The following VAV2 variants were observed in gnomAD, a reference collection of about 807,000 sequenced individuals.
VAV2 encodes vav guanine nucleotide exchange factor 2.
VAV2 carries 67 observed loss-of-function variants against 132.5 expected under a neutral mutation model. That is an observed-to-expected ratio of 0.51 (90% CI 0.42 to 0.62). VAV2 has a LOEUF of 0.62. Ranked by LOEUF, VAV2 falls within the 20% of genes least tolerant of loss-of-function variation. The pLI, the probability that VAV2 is intolerant of heterozygous loss-of-function variation, is 0.00. For synonymous variants in VAV2, 492 were observed against 443.5 expected (o/e 1.11, Z -1.37); for missense variants, 938 against 1,153.6 (o/e 0.81, Z 2.71).
chr9:133,901,602 G>A (rs1327869905), intron 2 of VAV2, among the ~76,000 whole-genome samples: 1 of 152,210 alleles, frequency 6.6e-6, no homozygotes, highest in Non-Finnish European at 1.5e-5. Flanking sequence ...GCCCTGAGCC[G>A]CAGGGGCCTC....
In VAV2 at chr9:133,770,367, C is replaced by T. The variant is rs201253624; in HGVS notation, c.2347+11G>A. 1.5e-4 allele frequency: 245 copies of T among 1,613,780 alleles called. 1 individual carries two copies. In the East Asian group the frequency reaches 2.3e-3, roughly 15 times the overall value. The stretch of plus-strand genomic sequence containing the variant: ...AGGAGTGCTGGTGTGCCGGCTGGGC[C>T]GGGGCGTTACCTGGGGACCGGCTGG... On this transcript the variant is annotated intron_variant, in intron 27 of 29. Transcript: ENST00000371850.
intron 2 of VAV2, among the ~76,000 whole-genome samples, chr9:133,905,199 C>T (rs937656144): frequency 2.0e-5 from 3 of 151,842 alleles, no homozygotes; most frequent in Non-Finnish European, 4.4e-5. Flanking sequence ...AAGGCCAAGG[C>T]GGGTGGATCA....
chr9:133,806,267 T>C, intron 8 of VAV2, 86 bp from the exon 9 acceptor site: 1 of 1,339,496 alleles, frequency 7.5e-7, no homozygotes, highest in South Asian at 1.3e-5. Context: ...CTTGTTGTTC[T>C]GTAGTTCCCT....
intron 4 of VAV2, among the ~76,000 whole-genome samples, chr9:133,818,357 C>A (rs1588217848): frequency 7.1e-6 from 1 of 139,912 alleles, no homozygotes; most frequent in Admixed American, 7.2e-5. Context: ...CAAAGCAAGA[C>A]TCCATCTCAA....
At position 133,795,743 on chromosome 9, in the gene VAV2, G is replaced by C; in HGVS notation, c.1033-7C>G. The C allele has an allele frequency of 1.2e-6, 2 of 1,613,456 alleles. No homozygotes were observed. The highest frequency in any genetic ancestry group is 1.7e-6 in the Non-Finnish European group (2 of 1,179,444). On this transcript the variant is annotated splice_region_variant and splice_polypyrimidine_tract_variant and intron_variant, in intron 11 of 29. Coordinates refer to ENST00000371850, the MANE Select transcript of VAV2 (RefSeq NM_001134398.2). ...CAGAATGGCTCAGAAGCTCCTGGAAGGGTGAGAAGAGTGTCATGTGTTACC... is the reference window on the plus strand; with the variant it reads ...CAGAATGGCTCAGAAGCTCCTGGAACGGTGAGAAGAGTGTCATGTGTTACC...
intron 6 of VAV2, 43 bp from the exon 7 acceptor site, chr9:133,809,181 G>A (rs1835268648): frequency 6.6e-7 from 1 of 1,518,286 alleles, no homozygotes; most frequent in Non-Finnish European, 9.1e-7. Flanking sequence ...CATGGGCCCG[G>A]CCACCTGCCA....
At chr9:133,972,738 C>T (rs574163887) in intron 1 of VAV2, among the ~76,000 whole-genome samples, 3 of 152,284 alleles carry the variant, frequency 2.0e-5, no homozygotes, top group South Asian at 2.1e-4. Context: ...TGCAGACACC[C>T]GCCCAAGCCC....
intron 2 of VAV2, among the ~76,000 whole-genome samples, chr9:133,913,484 A>G (rs1839953301): frequency 6.6e-6 from 1 of 152,220 alleles, no homozygotes; most frequent in Admixed American, 6.5e-5. Flanking sequence ...GCCAATCAGA[A>G]TCTTCAAGGG....
chr9:133,799,362 T>A (rs1161137977), intron 9 of VAV2, among the ~76,000 whole-genome samples: 1 of 152,140 alleles, frequency 6.6e-6, no homozygotes, highest in African/African-American at 2.4e-5. Context: ...GACTGGTACT[T>A]CCTCAGGCCG....
intron 2 of VAV2, among the ~76,000 whole-genome samples, chr9:133,886,182 A>C (rs1838696472): frequency 6.6e-6 from 1 of 151,994 alleles, no homozygotes. Context: ...GTCCCAGACA[A>C]CCCCAAAGCT....
intron 2 of VAV2, among the ~76,000 whole-genome samples, chr9:133,920,789 C>A (rs1229101729): frequency 6.6e-6 from 1 of 152,066 alleles, no homozygotes; most frequent in Admixed American, 6.5e-5. Flanking sequence ...GGCTGCCTGA[C>A]GACACGGGGC....
chr9:133,778,988 C>T, intron 21 of VAV2, 99 bp from the exon 22 acceptor site: 2 of 1,503,816 alleles, frequency 1.3e-6, no homozygotes, highest in Non-Finnish European at 9.0e-7. Context: ...GCTCGGCCTC[C>T]CCCAGCACAC....
chr9:133,779,777 G>T, intron 21 of VAV2, 141 bp downstream of exon 21: 1 of 1,139,470 alleles, frequency 8.8e-7, no homozygotes, highest in Non-Finnish European at 1.2e-6. Context: ...AAGAGGGAGG[G>T]GGCCCAGATG....
Position 133,919,059 on chromosome 9 carries a change from T to C in VAV2, c.321+20044A>G, listed in dbSNP as rs1013948334. Among the ~76,000 whole-genome samples, 1 of 152,020 alleles carries C rather than the reference T, an allele frequency of 6.6e-6. No individual in the cohort carries two copies. Among genetic ancestry groups the C allele is most frequent in the Non-Finnish European group, 1.5e-5 (1 of 67,980 alleles). On this transcript the variant is annotated intron_variant, in intron 2 of 29. Coordinates refer to ENST00000371850, the MANE Select transcript of VAV2 (RefSeq NM_001134398.2). This position sits in a 1 kb window ranked among gnomAD's most constrained non-coding sequence, Gnocchi z 5.8. ...AAGTGCTGGGATTACAGGTGAGAGC[T>C]ACCACCCCCGGCCGCCACCATGTTT...
At chr9:133,807,884 G>A (rs1835212642) in intron 7 of VAV2, among the ~76,000 whole-genome samples, 2 of 152,316 alleles carry the variant, frequency 1.3e-5, no homozygotes, top group South Asian at 2.1e-4. Context: ...TGAGGCTGCT[G>A]ACCCTGCTCT....
intron 3 of VAV2, among the ~76,000 whole-genome samples, chr9:133,852,717 G>A (rs972276357): frequency 2.0e-5 from 3 of 152,336 alleles, no homozygotes; most frequent in South Asian, 2.1e-4. Flanking sequence ...CACCAGCCAC[G>A]CAGTAAACAG....
chr9:133,868,438 G>T (rs1032153172), intron 2 of VAV2, among the ~76,000 whole-genome samples: 3 of 152,238 alleles, frequency 2.0e-5, no homozygotes, highest in African/African-American at 4.8e-5. Flanking sequence ...GGCTCGGTTG[G>T]CTCATCTGTG....
At chr9:133,774,635 A>G (rs1291188220) in intron 25 of VAV2, among the ~76,000 whole-genome samples, 2 of 152,090 alleles carry the variant, frequency 1.3e-5, no homozygotes, top group Non-Finnish European at 2.9e-5. Context: ...TCACCCACCC[A>G]CTTGTACCTG....
chr9:133,981,221 G>A (rs772471763), intron 1 of VAV2, among the ~76,000 whole-genome samples: 6 of 152,204 alleles, frequency 3.9e-5, no homozygotes, highest in African/African-American at 9.7e-5. Context: ...AGACTTAGGT[G>A]TTGTAGGACC....
Sources: gnomAD v4.1 joint callset for allele counts (sites outside exome capture counted in the v4.1 genomes callset) on GRCh38, gnomAD v4.1.1 for gene constraint, Gnocchi (gnomAD v3.1) non-coding constraint, MANE v1.5 for transcripts, NCBI Gene and HGNC (gene_info 2026-07-23, HGNC 2026-07-21) for gene names.